The following KIAA1549L variants were observed in gnomAD, a reference collection of about 807,000 sequenced individuals.
KIAA1549L encodes the protein UPF0606 protein KIAA1549L.
In KIAA1549L, 88 loss-of-function variants were observed where a neutral mutation model predicts 160.7. The observed-to-expected ratio is 0.55, with a 90% CI of 0.46 to 0.65. KIAA1549L has a LOEUF of 0.65. Ranked by LOEUF, KIAA1549L falls within the 30% of genes least tolerant of loss-of-function variation. The probability of loss-of-function intolerance (pLI) is 0.00; values close to 1 mark genes in which losing one functional copy is unlikely to be tolerated. For missense variants in KIAA1549L, 2,258 were observed against 2,437.5 expected (o/e 0.93, Z 1.55); for synonymous variants, 950 against 976.7 (o/e 0.97, Z 0.51).
chr11:33,605,165 GT>G (rs886214155), intron 13 of KIAA1549L, among the ~76,000 whole-genome samples: 2 of 134,580 alleles, frequency 1.5e-5, no homozygotes, highest in Non-Finnish European at 1.5e-5. Context: ...GTTTTGTTTT[GT>G]TTTGTTTTGT....
chr11:33,454,240 C>T (rs1355400999), intron 1 of KIAA1549L, among the ~76,000 whole-genome samples: 1 of 152,104 alleles, frequency 6.6e-6, no homozygotes, highest in African/African-American at 2.4e-5. Flanking sequence ...TTATTTATAC[C>T]CTATTCCTAC....
chr11:33,604,895 A>G (rs1488492840), intron 13 of KIAA1549L, among the ~76,000 whole-genome samples: 2 of 152,328 alleles, frequency 1.3e-5, no homozygotes, highest in East Asian at 3.9e-4. Context: ...AGAATTTACC[A>G]CTATAGAATT....
chr11:33,383,519 G>A (rs1039464013), intron 1 of KIAA1549L, among the ~76,000 whole-genome samples: 1 of 152,178 alleles, frequency 6.6e-6, no homozygotes, highest in African/African-American at 2.4e-5. Context: ...GGAGCTGGCA[G>A]GAAGGTGGCA....
At position 33,565,059 on chromosome 11, in the gene KIAA1549L, G is replaced by A. The variant is rs1196192353; in HGVS notation, c.4079-3017G>A. Among the ~76,000 whole-genome samples, 3 of 152,166 alleles carry A rather than the reference G, an allele frequency of 2.0e-5. No individual in the cohort carries two copies. The East Asian group carries it at 5.8e-4, about 29-fold the overall frequency. On this transcript the variant is annotated intron_variant, in intron 8 of 20. Coordinates refer to ENST00000658780, the MANE Select transcript of KIAA1549L (RefSeq NM_012194.3). Reference sequence around the variant, plus strand: ...TGAGTCACGGGTGGCCAAGGCTGGGGGACCAGGGCCCTGGCTGATGCACTA... The same window carrying A: ...TGAGTCACGGGTGGCCAAGGCTGGGAGACCAGGGCCCTGGCTGATGCACTA...
intron 1 of KIAA1549L, among the ~76,000 whole-genome samples, chr11:33,441,236 C>T (rs940695254): frequency 6.6e-6 from 1 of 152,016 alleles, no homozygotes; most frequent in Non-Finnish European, 1.5e-5. Context: ...CATGTCCCTA[C>T]AAAGGACATG....
chr11:33,612,673 T>C (rs1399936396), intron 15 of KIAA1549L, among the ~76,000 whole-genome samples: 2 of 152,022 alleles, frequency 1.3e-5, no homozygotes, highest in African/African-American at 4.8e-5. Context: ...ACTTCTGTCA[T>C]GGGGTTGGTT....
intron 19 of KIAA1549L, among the ~76,000 whole-genome samples, chr11:33,660,438 G>A (rs909863105): frequency 2.6e-5 from 4 of 152,132 alleles, no homozygotes; most frequent in South Asian, 2.1e-4. Context: ...AGTGGCAGGC[G>A]CTTGTAGTTC....
At chr11:33,587,353 C>T (rs1849913874) in intron 11 of KIAA1549L, among the ~76,000 whole-genome samples, 2 of 152,144 alleles carry the variant, frequency 1.3e-5, no homozygotes, top group South Asian at 4.2e-4. Flanking sequence ...TGATTAATCT[C>T]AGGTAATTTT....
chr11:33,632,096 G>A (rs1042916255), intron 16 of KIAA1549L, among the ~76,000 whole-genome samples: 15 of 152,194 alleles, frequency 9.9e-5, no homozygotes, highest in African/African-American at 3.6e-4. Flanking sequence ...TTTGGCAAAA[G>A]CAACAGAAAC....
intron 1 of KIAA1549L, among the ~76,000 whole-genome samples, chr11:33,423,561 A>G (rs549837007): frequency 5.9e-5 from 9 of 152,208 alleles, no homozygotes; most frequent in Non-Finnish European, 1.3e-4. Context: ...AACACCATAG[A>G]CTTCTCATTT....
chr11:33,658,737 C>T lies in KIAA1549L; in HGVS notation c.5859-13C>T, dbSNP rs747460731. ...CTGGGACAGTGCTAACGCAGTCCCT[C>T]TGCCCCATCTAGATCCACCTCAGAC... On this transcript the variant is annotated splice_polypyrimidine_tract_variant and intron_variant, in intron 18 of 20. Coordinates refer to ENST00000658780, the MANE Select transcript of KIAA1549L (RefSeq NM_012194.3). 3.2e-6 allele frequency: 5 copies of T among 1,568,606 alleles called. No individual in the cohort carries two copies. The Admixed American group carries it at 9.2e-5, about 29-fold the overall frequency.
intron 1 of KIAA1549L, among the ~76,000 whole-genome samples, chr11:33,457,966 C>T (rs925750075): frequency 6.6e-6 from 1 of 152,190 alleles, no homozygotes; most frequent in Non-Finnish European, 1.5e-5. Flanking sequence ...ACCCAGGACC[C>T]GAGTTCCATG....
chr11:33,561,154 A>G (rs766944573), intron 7 of KIAA1549L, among the ~76,000 whole-genome samples: 4 of 152,232 alleles, frequency 2.6e-5, no homozygotes, highest in Non-Finnish European at 5.9e-5. Flanking sequence ...GAAAAAATCT[A>G]TCCAGGAGAT....
intron 16 of KIAA1549L, among the ~76,000 whole-genome samples, chr11:33,624,036 A>G (rs537101921): frequency 6.6e-6 from 1 of 152,262 alleles, no homozygotes; most frequent in African/African-American, 2.4e-5. Context: ...GGTCCTCAGC[A>G]TGCTGTAGGT....
chr11:33,544,357 A>T, intron 2 of KIAA1549L, 21 bp downstream of exon 2: 1 of 1,611,476 alleles, frequency 6.2e-7, no homozygotes. Flanking sequence ...TAATGCAGGT[A>T]GTTTGTTTCC....
chr11:33,447,566 C>A lies in KIAA1549L; in HGVS notation c.238+70677C>A, dbSNP rs537895460. On this transcript the variant is annotated intron_variant, in intron 1 of 20. Transcript: ENST00000658780. ...CCCATGCGTGCATGCATGCATCCAT[C>A]CATCCATCCCACCTATCTAGTCAGT... Among the ~76,000 whole-genome samples the A allele has an allele frequency of 2.8e-5, 4 of 144,986 alleles. No individual in the cohort carries two copies. The South Asian group carries it at 9.3e-4, about 34-fold the overall frequency.
rs1852238009 is a variant in KIAA1549L at position 33,660,889 on chromosome 11, A to G, written c.6034A>G (p.Ile2012Val). 6.2e-7 allele frequency: 1 copy of G among 1,613,894 alleles called. No homozygotes were observed. Among genetic ancestry groups the G allele is most frequent in the Non-Finnish European group, 8.5e-7 (1 of 1,179,856 alleles). ...TAATACGGTGCCAGCAGTGTTCGCC[A>G]TCCCAGCTGCCAACAGACCTGGCTT... is the stretch of plus-strand genomic sequence containing the variant. Reference protein sequence around the residue: ...SGNTVPAVFAIPAANRPGFTG... With the variant: ...SGNTVPAVFAVPAANRPGFTG... The change falls in exon 20 of 21, where the codon ATC becomes GTC. Residue 2012 changes from isoleucine (I) to valine (V), a missense_variant. Physicochemically the swap from Ile to Val is conservative, Grantham distance 29. Coordinates refer to ENST00000658780, the MANE Select transcript of KIAA1549L (RefSeq NM_012194.3).
At chr11:33,419,594 C>A (rs929259591) in intron 1 of KIAA1549L, among the ~76,000 whole-genome samples, 24 of 151,808 alleles carry the variant, frequency 1.6e-4, no homozygotes, top group African/African-American at 5.8e-4. Context: ...ACCTGTAATC[C>A]CAGCACTTTG....
intron 1 of KIAA1549L, among the ~76,000 whole-genome samples, chr11:33,445,197 A>G (rs1039005221): frequency 1.3e-5 from 2 of 152,172 alleles, no homozygotes; most frequent in African/African-American, 2.4e-5. Flanking sequence ...TGAGGGCACC[A>G]TTCTTTGATA....
Sources: allele counts gnomAD v4.1 joint callset (sites outside exome capture counted in the v4.1 genomes callset), GRCh38; gene constraint gnomAD v4.1.1; transcripts MANE v1.5; gene names NCBI Gene and HGNC (gene_info 2026-07-23, HGNC 2026-07-21).